Variants in AOX1 observed in about 807,000 individuals in gnomAD.
The protein encoded by AOX1 is aldehyde oxidase 1, also known as aldehyde oxidase.
In AOX1, 153 loss-of-function variants were observed where a neutral mutation model predicts 169.5. That is an observed-to-expected ratio of 0.90 (90% CI 0.79 to 1.03). The LOEUF (loss-of-function observed/expected upper bound fraction) is 1.03, where lower values mean the gene tolerates loss of function less well. AOX1 is among the 50% of genes least tolerant of loss of function. AOX1 has a pLI of 0.00. For missense variants in AOX1, 1,656 were observed against 1,663.9 expected (o/e 1.00, Z 0.08); for synonymous variants, 562 against 581.9 (o/e 0.97, Z 0.49).
chr2:200,597,081 C>G lies in AOX1; in HGVS notation c.201-316C>G, dbSNP rs370038764. Among the ~76,000 whole-genome samples, 52 of 152,212 alleles carry G rather than the reference C, an allele frequency of 3.4e-4. No homozygotes were observed. The Middle Eastern group carries it at 0.02, about 60-fold the overall frequency. On this transcript the variant is annotated intron_variant, in intron 3 of 34. Transcript: ENST00000374700. ...TACCTGTGACTAGAGAATGTCAACC[C>G]CTCATTCAAGAGCAAAAACCATCAA...
At position 200,638,258 on chromosome 2, in the gene AOX1, A is replaced by G. The variant is rs1353107495; in HGVS notation, c.2524A>G (p.Met842Val). The change falls in exon 23 of 35, where the codon ATG becomes GTG. Residue 842 changes from methionine (M) to valine (V), a missense_variant. Met to Val is a conservative substitution (Grantham distance 21, BLOSUM62 1). Coordinates refer to ENST00000374700, the MANE Select transcript of AOX1 (RefSeq NM_001159.4). ...VRCVLERGED[M>V]LITGGRHPYL... ...CTGTGTTCTGGAACGAGGAGAAGAC[A>G]TGTTAATAACTGGAGGCCGCCATCC... 6.2e-7 allele frequency: 1 copy of G among 1,613,802 alleles called. No homozygotes were observed. Among genetic ancestry groups the G allele is most frequent in the East Asian group, 2.2e-5 (1 of 44,870 alleles).
chr2:200,609,448 C>G, intron 12 of AOX1, 34 bp downstream of exon 12: 2 of 1,572,674 alleles, frequency 1.3e-6, no homozygotes, highest in Non-Finnish European at 1.8e-6. Flanking sequence ...GATTATTAAG[C>G]TGTTTCTCTA....
intron 2 of AOX1, among the ~76,000 whole-genome samples, chr2:200,594,504 TCAGCACA>T (rs1163655463): frequency 6.6e-6 from 1 of 152,138 alleles, no homozygotes. Context: ...AGCACCTTCC[TCAGCACA>T]CAGCTTTCTC....
At position 200,651,169 on chromosome 2, in the gene AOX1, C is replaced by T. The variant is rs1428296585; in HGVS notation, c.3043C>T (p.Pro1015Ser). 1.9e-6 allele frequency: 3 copies of T among 1,614,190 alleles called. No homozygotes were observed. The highest frequency in any genetic ancestry group is 1.7e-5 in the Admixed American group (1 of 60,018). ...ACTGGCCATGGTCCCCCTGAAGTTT[C>T]CTGTTGGCCTTGGCTCACGTGCTGC... ...KGLAMVPLKF[P>S]VGLGSRAAGQ... Residue 1015 changes from proline (P) to serine (S), a missense_variant, in exon 26 of 35, where the codon CCT becomes TCT. By Grantham distance (74) the Pro-to-Ser change is moderately conservative. Transcript: ENST00000374700.
intron 21 of AOX1, 45 bp from the exon 22 acceptor site, chr2:200,636,865 CT>C: frequency 6.3e-7 from 1 of 1,580,570 alleles, no homozygotes; most frequent in Non-Finnish European, 8.6e-7. Flanking sequence ...CAATTAAGTC[CT>C]TGCTGAAGAT....
At chr2:200,676,843 G>A (rs750472191) in intron 4 of AOX1, 14 of 458,052 alleles carry the variant, frequency 3.1e-5, no homozygotes, top group East Asian at 7.4e-5. Context: ...AAATGGCCCC[G>A]GAAGCTGCTT....
intron 16 of AOX1, among the ~76,000 whole-genome samples, chr2:200,618,231 T>C (rs544418817): frequency 2.6e-5 from 4 of 152,282 alleles, no homozygotes; most frequent in Admixed American, 2.6e-4. Context: ...CAACAATAAC[T>C]GAAAATGAAA....
chr2:200,660,722 G>A lies in AOX1; in HGVS notation c.3375+653G>A, dbSNP rs370223624. 5.3e-4 allele frequency among the ~76,000 whole-genome samples: 80 copies of A among 152,304 alleles called. 1 individual carries two copies. The highest frequency in any genetic ancestry group is 1.9e-3 in the African/African-American group (77 of 41,556). ...TGGCTATTCTAGAATGTCAGTTTTTGCAACCTTACAAATACAGGTCTGGGG... is the reference window on the plus strand; with the variant it reads ...TGGCTATTCTAGAATGTCAGTTTTTACAACCTTACAAATACAGGTCTGGGG... On this transcript the variant is annotated intron_variant, in intron 29 of 34. Coordinates refer to ENST00000374700, the MANE Select transcript of AOX1 (RefSeq NM_001159.4).
intron 28 of AOX1, among the ~76,000 whole-genome samples, chr2:200,659,786 T>TCTCACACACACACACA (rs373271043): frequency 2.1e-5 from 2 of 96,216 alleles, no homozygotes; most frequent in African/African-American, 7.4e-5. Context: ...GTTCTCTCTC[T>TCTCACACACACACACA]CACACACACA....
chr2:200,620,445 G>A (rs902548928), intron 16 of AOX1, among the ~76,000 whole-genome samples: 1 of 152,042 alleles, frequency 6.6e-6, no homozygotes, highest in Non-Finnish European at 1.5e-5. Flanking sequence ...CTGACCTCAA[G>A]TGATCTGCCC....
intron 2 of AOX1, among the ~76,000 whole-genome samples, chr2:200,594,550 C>A (rs1333478236): frequency 1.3e-5 from 2 of 152,134 alleles, no homozygotes; most frequent in Non-Finnish European, 2.9e-5. Flanking sequence ...TAATGGAGGC[C>A]CAGCCCTCAT....
intron 16 of AOX1, among the ~76,000 whole-genome samples, chr2:200,618,365 A>G (rs4672863): frequency 0.29 from 44,234 of 152,132 alleles, 6,978 homozygotes; most frequent in East Asian, 0.38. Flanking sequence ...AACAGTGTTT[A>G]TTTTGCAGCA....
At chr2:200,657,190 A>ATTTTTTTTTTTT (rs5837752) in intron 27 of AOX1, among the ~76,000 whole-genome samples, 12 of 62,872 alleles carry the variant, frequency 1.9e-4, no homozygotes, top group African/African-American at 7.9e-4. Context: ...ATATATATAT[A>ATTTTTTTTTTTT]TTTTTTTTTT....
Position 200,634,823 on chromosome 2 carries a change from T to C in AOX1, c.2254T>C (p.Tyr752His). The part of the protein sequence containing the change: ...EIHMGGQEHF[Y>H]METQSMLVVP... The stretch of plus-strand genomic sequence containing the variant: ...ACATATGGGAGGTCAAGAACATTTT[T>C]ATATGGAAACCCAAAGCATGCTTGT... Residue 752 changes from tyrosine (Y) to histidine (H), a missense_variant, in exon 21 of 35, where the codon TAT becomes CAT. Tyr to His is a moderately conservative substitution (Grantham distance 83). Transcript: ENST00000374700. 6.2e-7 allele frequency: 1 copy of C among 1,614,066 alleles called. No homozygotes were observed. The highest frequency in any genetic ancestry group is 1.1e-5 in the South Asian group (1 of 91,090).
intron 29 of AOX1, among the ~76,000 whole-genome samples, chr2:200,660,539 A>G (rs2035800933): frequency 6.6e-6 from 1 of 152,328 alleles, no homozygotes; most frequent in African/African-American, 2.4e-5. Flanking sequence ...TACTCAATGG[A>G]ATGGAAATAC....
intron 2 of AOX1, 123 bp from the exon 3 acceptor site, chr2:200,595,149 G>C (rs758384914): frequency 7.9e-6 from 4 of 505,184 alleles, no homozygotes; most frequent in Non-Finnish European, 1.4e-5. Context: ...CACATTATTT[G>C]ATGAATATGT....
intron 3 of AOX1, among the ~76,000 whole-genome samples, chr2:200,595,831 C>T (rs929424158): frequency 3.2e-4 from 48 of 152,238 alleles, no homozygotes; most frequent in African/African-American, 8.4e-4. Flanking sequence ...CCTAACTTAT[C>T]TCCTTCCTCC....
At chr2:200,625,755 C>G (rs1399819799) in intron 19 of AOX1, among the ~76,000 whole-genome samples, 1 of 151,918 alleles carries the variant, frequency 6.6e-6, no homozygotes, top group Non-Finnish European at 1.5e-5. Flanking sequence ...TTTATAAAAC[C>G]TAGCTTTTTT....
chr2:200,648,512 C>T (rs2035511328), intron 25 of AOX1, among the ~76,000 whole-genome samples: 1 of 152,174 alleles, frequency 6.6e-6, no homozygotes, highest in Non-Finnish European at 1.5e-5. Context: ...GCAGTGGACT[C>T]CATGAGGGTC....
Sources: allele counts gnomAD v4.1 joint callset (sites outside exome capture counted in the v4.1 genomes callset), GRCh38; gene constraint gnomAD v4.1.1; transcripts MANE v1.5; gene names NCBI Gene and HGNC (gene_info 2026-07-23, HGNC 2026-07-21).